The following FAAH2 variants were observed in gnomAD, a reference collection of about 807,000 sequenced individuals.
FAAH2 encodes the protein fatty-acid amide hydrolase 2.
FAAH2 carries 60 observed loss-of-function variants against 36.9 expected under a neutral mutation model. The ratio of observed to expected loss-of-function variants is 1.63; its 90% CI spans 1.32 to 2.02. FAAH2 has a LOEUF of 2.02. FAAH2 is among the 30% of genes most tolerant of loss of function. FAAH2 has a pLI of 0.00. For synonymous variants in FAAH2, 214 were observed against 143.8 expected, an observed-to-expected ratio of 1.49 and a Z score of -3.49; for missense variants, 689 against 397.5, an observed-to-expected ratio of 1.73 and a Z score of -6.23.
intron 8 of FAAH2, among the ~76,000 whole-genome samples, chrX:57,444,624 C>A (rs981730645): frequency 1.8e-5 from 2 of 111,302 alleles, no homozygotes; most frequent in Non-Finnish European, 3.8e-5. Flanking sequence ...GTGAGATAAA[C>A]CTGGTACCTC....
chrX:57,324,338 C>T (rs2053140670), intron 3 of FAAH2, among the ~76,000 whole-genome samples: 1 of 111,748 alleles, frequency 8.9e-6, no homozygotes, highest in African/African-American at 3.3e-5. Context: ...TTTTTGGTTC[C>T]ACATGAACTT....
chrX:57,292,644 G>T (rs2052020174), intron 2 of FAAH2, 64 bp downstream of exon 2: 2 of 909,524 alleles, frequency 2.2e-6, no homozygotes, highest in Non-Finnish European at 1.6e-6. Flanking sequence ...CTGTGGTCAT[G>T]CCACCTTAGC....
rs375733621 is a variant in FAAH2 at position 57,378,125 on chromosome X, T to C, written c.743-526T>C. On this transcript the variant is annotated intron_variant, in intron 5 of 10. Coordinates refer to ENST00000374900, the MANE Select transcript of FAAH2 (RefSeq NM_174912.4). Reference sequence around the variant, plus strand: ...TCCATCTGGCATATTAATTGTGAAATGTATTATAAGCAGAGGAAATGGCAT... The same window carrying C: ...TCCATCTGGCATATTAATTGTGAAACGTATTATAAGCAGAGGAAATGGCAT... 7.1e-5 allele frequency among the ~76,000 whole-genome samples: 8 copies of C among 112,025 alleles called. No homozygotes were observed. In the East Asian group the frequency reaches 2.3e-3, roughly 32 times the overall value.
chrX:57,459,298 G>A (rs774304685), intron 10 of FAAH2, among the ~76,000 whole-genome samples: 4 of 112,306 alleles, frequency 3.6e-5, no homozygotes, highest in Middle Eastern at 4.6e-3. Flanking sequence ...ACTGGGCAGG[G>A]CATCTCTGAA....
chrX:57,470,180 A>T (rs1358565590), intron 10 of FAAH2, among the ~76,000 whole-genome samples: 1 of 111,317 alleles, frequency 9.0e-6, no homozygotes, highest in African/African-American at 3.3e-5. Flanking sequence ...TAATATCACA[A>T]TTAAAAGAAC....
chrX:57,273,177 T>C, the FAAH2 span, among the ~76,000 whole-genome samples: 1 of 111,951 alleles, frequency 8.9e-6, no homozygotes, highest in African/African-American at 3.2e-5. Flanking sequence ...GGGCATTACA[T>C]TTTGGTGAAG....
the FAAH2 span, among the ~76,000 whole-genome samples, chrX:57,185,895 C>G: frequency 3.9e-4 from 44 of 111,581 alleles, no homozygotes; most frequent in East Asian, 5.4e-3. Context: ...AGGACATGAA[C>G]TCATTCTTTT....
At chrX:57,241,687 C>T in the FAAH2 span, among the ~76,000 whole-genome samples, 1 of 111,808 alleles carries the variant, frequency 8.9e-6, no homozygotes, top group Non-Finnish European at 1.9e-5. Flanking sequence ...TTTTATTCAT[C>T]ACCCCAATCC....
chrX:57,418,653 C>A (rs1441906993), intron 7 of FAAH2, among the ~76,000 whole-genome samples: 1 of 110,397 alleles, frequency 9.1e-6, no homozygotes, highest in East Asian at 2.8e-4. Flanking sequence ...CTGGGAGCTG[C>A]AGACCAGAGC....
the FAAH2 span, among the ~76,000 whole-genome samples, chrX:57,195,624 A>G: frequency 2.7e-5 from 3 of 111,697 alleles, no homozygotes; most frequent in African/African-American, 9.8e-5. Flanking sequence ...CCATCAATTT[A>G]TCTGTGTTTT....
chrX:57,387,890 GTAAA>G (rs1569310694), intron 7 of FAAH2, among the ~76,000 whole-genome samples: 3 of 111,163 alleles, frequency 2.7e-5, no homozygotes, highest in Non-Finnish European at 5.7e-5. Context: ...GAGGGAGGAG[GTAAA>G]TAGAGAAAGA....
intron 7 of FAAH2, among the ~76,000 whole-genome samples, chrX:57,420,106 G>C (rs2055971065): frequency 8.9e-6 from 1 of 111,863 alleles, no homozygotes. Context: ...GTACCATGCT[G>C]TTTTGGTTAC....
At chrX:57,447,072 G>T (rs1337312909) in intron 9 of FAAH2, 33 bp downstream of exon 9, 6 of 1,023,896 alleles carry the variant, frequency 5.9e-6, no homozygotes, top group Non-Finnish European at 8.0e-6. Flanking sequence ...AGACCAGTTT[G>T]ATGTCCTGTA....
chrX:57,488,742 G>A lies in FAAH2; in HGVS notation c.1424-15G>A. On this transcript the variant is annotated splice_polypyrimidine_tract_variant and intron_variant, in intron 10 of 10. Coordinates refer to ENST00000374900, the MANE Select transcript of FAAH2 (RefSeq NM_174912.4). ...CAGGTCTTGATTTCTCACTTATTTTGTTTGTTTTCTTCAGGTGTCTTCAGT... is the reference window on the plus strand; with the variant it reads ...CAGGTCTTGATTTCTCACTTATTTTATTTGTTTTCTTCAGGTGTCTTCAGT... The A allele has an allele frequency of 8.3e-7, 1 of 1,204,821 alleles. No individual in the cohort carries two copies. Among genetic ancestry groups the A allele is most frequent in the Non-Finnish European group, 1.1e-6 (1 of 893,031 alleles).
intron 1 of FAAH2, chrX:57,290,352 A>G (rs1236166099): frequency 1.6e-6 from 1 of 639,579 alleles, no homozygotes; most frequent in Non-Finnish European, 1.9e-6. Flanking sequence ...AGCTCTGTAT[A>G]CACTAGACTA....
rs902258403 is a variant in FAAH2 at position 57,475,261 on chromosome X, T to A, written c.1424-13496T>A. 3.6e-5 allele frequency among the ~76,000 whole-genome samples: 4 copies of A among 112,166 alleles called. No homozygotes were observed. The Admixed American group carries it at 3.8e-4, about 11-fold the overall frequency. ...TGCTCTTGGTGTTTTATTCATGAAG[T>A]ATTTGCCCATGCCTATGTCCAGAAT... On this transcript the variant is annotated intron_variant, in intron 10 of 10. Coordinates refer to ENST00000374900, the MANE Select transcript of FAAH2 (RefSeq NM_174912.4).
chrX:57,327,996 G>A (rs1386132535), intron 3 of FAAH2, among the ~76,000 whole-genome samples: 1 of 111,464 alleles, frequency 9.0e-6, no homozygotes, highest in African/African-American at 3.3e-5. Flanking sequence ...CTTTGATGAT[G>A]TGATGTACAG....
At chrX:57,366,086 G>A (rs1018945331) in intron 5 of FAAH2, among the ~76,000 whole-genome samples, 5 of 111,819 alleles carry the variant, frequency 4.5e-5, no homozygotes, top group African/African-American at 1.6e-4. Flanking sequence ...TTTGTTTGGA[G>A]GTAAGAAGAC....
chrX:57,419,366 C>T (rs182594334), intron 7 of FAAH2, among the ~76,000 whole-genome samples: 120 of 111,240 alleles, frequency 1.1e-3, no homozygotes, highest in African/African-American at 3.8e-3. Context: ...TCTCCACATC[C>T]TCTCCAGCAC....
Sources: gnomAD v4.1 joint callset for allele counts (sites outside exome capture counted in the v4.1 genomes callset) on GRCh38, gnomAD v4.1.1 for gene constraint, MANE v1.5 for transcripts, NCBI Gene and HGNC (gene_info 2026-07-23, HGNC 2026-07-21) for gene names.